CDH18: variants seen among roughly 807,000 people sequenced by gnomAD.
CDH18 encodes the protein cadherin-18.
In CDH18, 31 loss-of-function variants were observed where a neutral mutation model predicts 67.9. That is an observed-to-expected ratio of 0.46 (90% CI 0.34 to 0.62). The LOEUF (loss-of-function observed/expected upper bound fraction) is 0.62, where lower values mean the gene tolerates loss of function less well. Among genes scored for constraint, CDH18 ranks in the 20% least tolerant of loss-of-function variants. The pLI is 0.01. For missense variants in CDH18, 890 were observed against 975.5 expected (o/e 0.91, Z 1.17); for synonymous variants, 362 against 347.2 (o/e 1.04, Z -0.48).
intron 1 of CDH18, among the ~76,000 whole-genome samples, chr5:20,387,613 G>T (rs1744421916): frequency 6.6e-6 from 1 of 151,940 alleles, no homozygotes. Flanking sequence ...TGTTGAATAG[G>T]AGTGGTGAGA....
At chr5:19,797,117 A>C (rs909631007) in intron 3 of CDH18, among the ~76,000 whole-genome samples, 1 of 151,986 alleles carries the variant, frequency 6.6e-6, no homozygotes, top group African/African-American at 2.4e-5. Flanking sequence ...ACAAATTACT[A>C]TCCAACTGTA....
intron 2 of CDH18, among the ~76,000 whole-genome samples, chr5:20,190,007 T>C (rs1580439810): frequency 6.6e-6 from 1 of 152,262 alleles, no homozygotes; most frequent in South Asian, 2.1e-4. Flanking sequence ...GAGGAGACTT[T>C]AGATGTGGCA....
At chr5:20,042,525 C>T (rs1740516380) in intron 2 of CDH18, among the ~76,000 whole-genome samples, 2 of 152,032 alleles carry the variant, frequency 1.3e-5, no homozygotes, top group Non-Finnish European at 1.5e-5. Flanking sequence ...ACATAATTGG[C>T]TGGCAGTTTA....
chr5:20,365,791 T>G (rs1366926558), intron 1 of CDH18, among the ~76,000 whole-genome samples: 1 of 152,138 alleles, frequency 6.6e-6, no homozygotes, highest in Non-Finnish European at 1.5e-5. Context: ...TCAGGCTTTT[T>G]GGTTTCATTT....
chr5:19,842,119 T>C (rs996185969), intron 2 of CDH18, among the ~76,000 whole-genome samples: 6 of 152,194 alleles, frequency 3.9e-5, no homozygotes, highest in Non-Finnish European at 5.9e-5. Context: ...AATAGAAATA[T>C]GTGGTAGACA....
At chr5:19,812,005 G>A (rs1308893618) in intron 3 of CDH18, among the ~76,000 whole-genome samples, 1 of 152,124 alleles carries the variant, frequency 6.6e-6, no homozygotes, top group Non-Finnish European at 1.5e-5. Context: ...AAGCAAGAGT[G>A]AATGTTTAAA....
chr5:19,523,242 G>T (rs1056105915), intron 9 of CDH18, among the ~76,000 whole-genome samples: 2 of 151,948 alleles, frequency 1.3e-5, no homozygotes. Flanking sequence ...TACATATTTT[G>T]GGAAAAATGG....
intron 2 of CDH18, among the ~76,000 whole-genome samples, chr5:19,933,251 A>G (rs976603324): frequency 1.8e-4 from 27 of 150,916 alleles, no homozygotes; most frequent in African/African-American, 6.6e-4. Flanking sequence ...ACCTACTTAC[A>G]CCTCCTCTAG....
chr5:20,279,718 A>AC (rs1746088343), intron 1 of CDH18, among the ~76,000 whole-genome samples: 1 of 148,326 alleles, frequency 6.7e-6, no homozygotes, highest in African/African-American at 2.5e-5. Flanking sequence ...AAAAAAAAAA[A>AC]AAAAAAAAAA....
intron 1 of CDH18, among the ~76,000 whole-genome samples, chr5:19,984,041 C>T (rs1404525641): frequency 6.6e-6 from 1 of 152,078 alleles, no homozygotes. Context: ...TAATGGCACA[C>T]TGGACTCATA....
At chr5:20,216,032 T>C (rs550779389) in intron 2 of CDH18, among the ~76,000 whole-genome samples, 1 of 152,102 alleles carries the variant, frequency 6.6e-6, no homozygotes, top group African/African-American at 2.4e-5. Context: ...GGTAATAGGC[T>C]TAATACCTGG....
At position 19,483,376 on chromosome 5, in the gene CDH18, C is replaced by T. The variant is rs201132238; in HGVS notation, c.1807G>A (p.Glu603Lys). 3.1e-6 allele frequency: 5 copies of T among 1,614,132 alleles called. No individual in the cohort carries two copies. Among genetic ancestry groups the T allele is most frequent in the Non-Finnish European group, 4.2e-6 (5 of 1,180,016 alleles). ...RDGRVRTCHA[E>K]AFLSSAGLST... ...AAACCAGCCGAGGACAGGAAGGCTT[C>T]TGCATGGCAGGTCCGCACACGCCCA... The change falls in exon 12 of 13, where the codon GAA (glutamate) becomes AAA (lysine). Residue 603 changes from glutamate (E) to lysine (K), a missense_variant. Around this residue, in one of 2 missense-constraint regions of CDH18, gnomAD observed 656 missense variants for 668.1 expected, o/e 0.98. Transcript: ENST00000382275.
chr5:20,188,307 C>G (rs1738261274), intron 2 of CDH18, among the ~76,000 whole-genome samples: 1 of 151,912 alleles, frequency 6.6e-6, no homozygotes, highest in Non-Finnish European at 1.5e-5. Flanking sequence ...CAAATCCAAT[C>G]AGCCAAATAA....
chr5:19,985,994 C>G (rs1324559305), intron 1 of CDH18, among the ~76,000 whole-genome samples: 1 of 152,160 alleles, frequency 6.6e-6, no homozygotes, highest in African/African-American at 2.4e-5. Context: ...AAATACAGAG[C>G]TGTTGGGACC....
intron 8 of CDH18, among the ~76,000 whole-genome samples, chr5:19,567,404 C>T (rs186075686): frequency 8.5e-5 from 13 of 152,236 alleles, no homozygotes; most frequent in Admixed American, 5.9e-4. Context: ...AAGCTTTTCA[C>T]AAATGCTTGC....
intron 2 of CDH18, among the ~76,000 whole-genome samples, chr5:19,875,685 C>G (rs1786903022): frequency 6.6e-6 from 1 of 151,726 alleles, no homozygotes; most frequent in African/African-American, 2.4e-5. Flanking sequence ...AGAATTGAAT[C>G]TTTTATATTG....
At chr5:19,679,596 T>C (rs971384798) in intron 5 of CDH18, among the ~76,000 whole-genome samples, 2 of 151,852 alleles carry the variant, frequency 1.3e-5, no homozygotes, top group Admixed American at 1.3e-4. Context: ...GATATATGAC[T>C]TCGGTAAAGT....
At chr5:19,749,942 T>A (rs1441048915) in intron 3 of CDH18, among the ~76,000 whole-genome samples, 1 of 151,970 alleles carries the variant, frequency 6.6e-6, no homozygotes, top group Non-Finnish European at 1.5e-5. Context: ...AATATTTATA[T>A]TTTTGGATAA....
intron 2 of CDH18, among the ~76,000 whole-genome samples, chr5:20,204,732 C>T (rs140202042): frequency 8.0e-4 from 121 of 151,360 alleles, no homozygotes; most frequent in Non-Finnish European, 1.4e-3. Flanking sequence ...ATGTAAATTG[C>T]GAAACAAAAA....
Sources: allele counts gnomAD v4.1 joint callset (sites outside exome capture counted in the v4.1 genomes callset), GRCh38; gene constraint gnomAD v4.1.1; regional missense constraint gnomAD v4.1.1; transcripts MANE v1.5; gene names NCBI Gene and HGNC (gene_info 2026-07-23, HGNC 2026-07-21).